The following EIF2D variants were observed in gnomAD, a reference collection of about 807,000 sequenced individuals.
The protein encoded by EIF2D is hepatocellular carcinoma-associated antigen 56.
A neutral mutation model predicts 77.4 loss-of-function variants in EIF2D; 56 were observed. The ratio of observed to expected loss-of-function variants is 0.72; its 90% CI spans 0.58 to 0.90. The LOEUF (loss-of-function observed/expected upper bound fraction) is 0.90, where lower values mean the gene tolerates loss of function less well. Ranked by LOEUF, EIF2D falls within the 40% of genes least tolerant of loss-of-function variation. EIF2D has a pLI of 0.00. For synonymous variants in EIF2D, 230 were observed against 271.0 expected (o/e 0.85, Z 1.49); for missense variants, 574 against 706.5 (o/e 0.81, Z 2.13).
At position 206,599,982 on chromosome 1, in the gene EIF2D, C is replaced by G. The variant is rs969371253; in HGVS notation, c.949-146G>C. ...TCATCAACCAGGAACTGGGAGGCCC[C>G]CAACCTGAGGGCCAGGGAGCAAGAA... On this transcript the variant is annotated intron_variant, in intron 8 of 14. Coordinates refer to ENST00000271764, the MANE Select transcript of EIF2D (RefSeq NM_006893.3). The surrounding 1 kb of genome is among the most constrained non-coding windows in gnomAD (Gnocchi z 4.1). 5.9e-5 allele frequency: 48 copies of G among 807,604 alleles called. 1 individual carries two copies. In the Middle Eastern group the frequency reaches 1.1e-3, roughly 18 times the overall value. The allele number at this position is 807,604 out of a possible 1,614,324, so 50.0% of individuals were successfully genotyped here.
chr1:206,608,635 T>C (rs980869287), intron 3 of EIF2D, among the ~76,000 whole-genome samples: 9 of 152,264 alleles, frequency 5.9e-5, no homozygotes, highest in Non-Finnish European at 1.3e-4. Flanking sequence ...TTACGCTTTT[T>C]ATGACCCCTT....
chr1:206,572,871 A>G (rs1668497911), intron 4 of EIF2D, among the ~76,000 whole-genome samples: 1 of 152,214 alleles, frequency 6.6e-6, no homozygotes, highest in South Asian at 2.1e-4. Context: ...CTTAGGACCC[A>G]TGAAAGTCAT....
In EIF2D at chr1:206,573,062, C is replaced by T. The variant is rs115511349; in HGVS notation, c.*255-363G>A. On this transcript the variant is annotated intron_variant and NMD_transcript_variant, in intron 4 of 5. Transcript: ENST00000472709. ...GTGATGATGATAATTTGGATGATGA[C>T]GCACTAGCTAACATTTATGGAGTGC... is the stretch of plus-strand genomic sequence containing the variant. Among the ~76,000 whole-genome samples the T allele has an allele frequency of 8.6e-3, 1,303 of 152,296 alleles. 22 individuals are homozygous for T. Among genetic ancestry groups the T allele is most frequent in the African/African-American group, 0.03 (1,244 of 41,550 alleles).
intron 2 of EIF2D, 65 bp downstream of exon 2, chr1:206,611,119 G>C: frequency 1.4e-6 from 2 of 1,447,208 alleles, no homozygotes; most frequent in Non-Finnish European, 1.9e-6. Context: ...GGAAGAAACA[G>C]AGAGAAGCAG....
chr1:206,584,448 C>T lies in EIF2D; in HGVS notation c.139-3286G>A, dbSNP rs201563198. 4.0e-5 allele frequency: 65 copies of T among 1,614,140 alleles called. No individual in the cohort carries two copies. The highest frequency in any genetic ancestry group is 3.0e-4 in the Admixed American group (18 of 60,022). ...CATCTGAAACTCCGGCGGCCTGTGACGGTGCCTGCTGGGATCCGGCCCCAG... is the reference window on the plus strand; with the variant it reads ...CATCTGAAACTCCGGCGGCCTGTGATGGTGCCTGCTGGGATCCGGCCCCAG... On this transcript the variant is annotated intron_variant and NMD_transcript_variant, in intron 2 of 5. Transcript: ENST00000472709. This position sits in a 1 kb window ranked among gnomAD's most constrained non-coding sequence, Gnocchi z 4.9.
At chr1:206,587,834 T>TAAGA (rs1267561188), downstream of EIF2D, 4 of 152,558 alleles carry the variant, frequency 2.6e-5, no homozygotes, top group African/African-American at 9.6e-5. Context: ...AATCAGACAG[T>TAAGA]AAGAGAAAGC....
intron 4 of EIF2D, among the ~76,000 whole-genome samples, chr1:206,576,815 T>C (rs2103559909): frequency 6.6e-6 from 1 of 152,260 alleles, no homozygotes; most frequent in Middle Eastern, 3.4e-3. Flanking sequence ...GTTTGTTTTG[T>C]TTTTGAGACA....
intron 2 of EIF2D, chr1:206,585,305 G>A: frequency 6.2e-7 from 1 of 1,608,532 alleles, no homozygotes; most frequent in Non-Finnish European, 8.5e-7. Context: ...GGTAGGTCTG[G>A]ACCCATTGTG....
At chr1:206,593,513 G>GTGTGCGTGTGTGTGTGTT in intron 14 of EIF2D, 106 bp downstream of exon 14, 1 of 657,408 alleles carries the variant, frequency 1.5e-6, no homozygotes, top group East Asian at 2.9e-5. Flanking sequence ...GAGAGAGTGT[G>GTGTGCGTGTGTGTGTGTT]TGTGTGTGTG....
intron 2 of EIF2D, among the ~76,000 whole-genome samples, chr1:206,582,417 G>A (rs1553406555): frequency 2.0e-5 from 3 of 152,148 alleles, no homozygotes; most frequent in South Asian, 4.1e-4. Context: ...CTGACTGTAG[G>A]GTGTGAGGCA....
chr1:206,587,753 A>G (rs1230316159), downstream of EIF2D: 5 of 152,576 alleles, frequency 3.3e-5, no homozygotes, highest in South Asian at 8.3e-4. Flanking sequence ...TAATGTTGTC[A>G]TCATCGTCAT....
At chr1:206,598,939 T>C in intron 11 of EIF2D, 64 bp downstream of exon 11, 1 of 1,499,602 alleles carries the variant, frequency 6.7e-7, no homozygotes, top group Non-Finnish European at 9.2e-7. Flanking sequence ...CCTCCCCAAA[T>C]GTGTCTATGT....
At chr1:206,600,395 G>T in intron 7 of EIF2D, 87 bp from the exon 8 acceptor site, 1 of 1,268,590 alleles carries the variant, frequency 7.9e-7, no homozygotes. Context: ...TTTTTCCTCA[G>T]CCTTCCTCCC....
At chr1:206,593,223 C>T (rs1296923324) in intron 14 of EIF2D, among the ~76,000 whole-genome samples, 1 of 152,120 alleles carries the variant, frequency 6.6e-6, no homozygotes, top group Non-Finnish European at 1.5e-5. Flanking sequence ...GCCTCAGTTT[C>T]CTCATCTGCA....
chr1:206,575,680 T>C (rs1553405076), intron 4 of EIF2D, among the ~76,000 whole-genome samples: 1 of 152,178 alleles, frequency 6.6e-6, no homozygotes, highest in African/African-American at 2.4e-5. Context: ...CCCTATCTTA[T>C]GTGTAAAATC....
intron 5 of EIF2D, 178 bp downstream of exon 5, chr1:206,605,222 A>C (rs1670144235): frequency 2.0e-6 from 1 of 505,244 alleles, no homozygotes; most frequent in Non-Finnish European, 3.5e-6. Context: ...CTCTCTCATT[A>C]CTTGTCCAAA....
chr1:206,586,920 A>G (rs1553407783), downstream of EIF2D: 1 of 1,614,216 alleles, frequency 6.2e-7, no homozygotes, highest in Non-Finnish European at 8.5e-7. Flanking sequence ...AAGAAGTATG[A>G]CAAGTTTAGG....
rs1668785324 is a variant in EIF2D, at chr1:206,579,492, C to T, written c.*254+1200G>A. On this transcript the variant is annotated intron_variant and NMD_transcript_variant, in intron 4 of 5. Transcript: ENST00000472709. The surrounding 1 kb of genome is among the most constrained non-coding windows in gnomAD (Gnocchi z 4.2). ...ATTGCTATAGTATCGATCTCGCTCTCATGGCAGATAGTGCCTGTTAGGTAA... is the reference window on the plus strand; with the variant it reads ...ATTGCTATAGTATCGATCTCGCTCTTATGGCAGATAGTGCCTGTTAGGTAA... Among the ~76,000 whole-genome samples the T allele has an allele frequency of 6.6e-6, 1 of 152,186 alleles. No homozygotes were observed. The highest frequency in any genetic ancestry group is 1.5e-5 in the Non-Finnish European group (1 of 68,024).
chr1:206,579,508 T>C lies in EIF2D; in HGVS notation c.*254+1184A>G, dbSNP rs1348587651. ...TCTCGCTCTCATGGCAGATAGTGCC[T>C]GTTAGGTAAACCTTTGGGGTGTTTG... On this transcript the variant is annotated intron_variant and NMD_transcript_variant, in intron 4 of 5. Coordinates refer to the EIF2D transcript ENST00000472709. The surrounding 1 kb of genome is among the most constrained non-coding windows in gnomAD (Gnocchi z 4.2). Among the ~76,000 whole-genome samples, 2 of 152,198 alleles carry C rather than the reference T, an allele frequency of 1.3e-5. No individual in the cohort carries two copies. The highest frequency in any genetic ancestry group is 4.8e-5 in the African/African-American group (2 of 41,452).
Sources: allele counts gnomAD v4.1 joint callset (sites outside exome capture counted in the v4.1 genomes callset), GRCh38; gene constraint gnomAD v4.1.1; non-coding constraint Gnocchi (gnomAD v3.1); transcripts MANE v1.5; gene names NCBI Gene and HGNC (gene_info 2026-07-23, HGNC 2026-07-21).